The following GNG7 variants were observed in gnomAD, a reference collection of about 807,000 sequenced individuals.
GNG7 encodes guanine nucleotide-binding protein G(I)/G(S)/G(O) subunit gamma-7.
Under a neutral mutation model 4.0 loss-of-function variants are expected in GNG7, and 1 was observed. That is an observed-to-expected ratio of 0.25 (90% confidence interval 0.09 to 1.18). GNG7 has a LOEUF of 1.18. Among genes scored for constraint, GNG7 ranks in the 50% most tolerant of loss-of-function variants. The pLI is 0.50. For synonymous variants in GNG7, 34 were observed against 36.9 expected, an observed-to-expected ratio of 0.92 and a Z score of 0.29; for missense variants, 86 against 91.9, an observed-to-expected ratio of 0.94 and a Z score of 0.26.
intron 3 of GNG7, among the ~76,000 whole-genome samples, chr19:2,526,605 AATAT>A (rs1978404562): frequency 7.1e-6 from 1 of 141,260 alleles, no homozygotes; most frequent in East Asian, 2.1e-4. Flanking sequence ...TTGTATTACT[AATAT>A]ATAGTTTTAG....
rs542813452 is a variant in GNG7, at chr19:2,646,239, C to T, written c.-93G>A. 7.4e-4 allele frequency: 113 copies of T among 152,138 alleles called. No individual in the cohort carries two copies. The highest frequency in any genetic ancestry group is 2.4e-3 in the African/African-American group (99 of 41,532). 9.4% of individuals were successfully genotyped at this position (152,138 alleles called of 1,614,324 possible). ...CAGCACCGACCTGTGCAGGAGGTCT[C>T]GCCGTCTGCAGCACCGAGATCCCGA... On this transcript the variant is annotated 5_prime_UTR_variant, in exon 2 of 5. Coordinates refer to ENST00000382159, the MANE Select transcript of GNG7 (RefSeq NM_052847.3).
chr19:2,576,485 C>T (rs1369921714), intron 2 of GNG7, among the ~76,000 whole-genome samples: 1 of 152,204 alleles, frequency 6.6e-6, no homozygotes, highest in Non-Finnish European at 1.5e-5. Context: ...CACCCTCACA[C>T]GTCTGGGAAA....
chr19:2,544,987 G>C (rs139542122), intron 3 of GNG7, among the ~76,000 whole-genome samples: 2 of 152,318 alleles, frequency 1.3e-5, no homozygotes, highest in South Asian at 4.1e-4. Context: ...GTGTGAACCA[G>C]GGGGACCCCC....
chr19:2,691,945 T>C lies in GNG7; in HGVS notation c.-135+10701A>G, dbSNP rs1399979438. 4.6e-5 allele frequency among the ~76,000 whole-genome samples: 7 copies of C among 150,840 alleles called. No homozygotes were observed. In the East Asian group the frequency reaches 5.8e-4, roughly 13 times the overall value. The stretch of plus-strand genomic sequence containing the variant: ...CCTTTTGTGATGACAGAGGCAGAAA[T>C]TGGATCAATGAGGCCATAAGCCAAG... On this transcript the variant is annotated intron_variant, in intron 1 of 4. Transcript: ENST00000382159.
intron 2 of GNG7, among the ~76,000 whole-genome samples, chr19:2,602,901 C>CTTTCTTTCTTTCTTTTCT (rs55978644): frequency 1.3e-5 from 2 of 148,844 alleles, no homozygotes; most frequent in Non-Finnish European, 3.0e-5. Flanking sequence ...TTCTCTTTTT[C>CTTTCTTTCTTTCTTTTCT]TTTCTTTCTT....
intron 1 of GNG7, among the ~76,000 whole-genome samples, chr19:2,696,075 G>A (rs1295920772): frequency 6.6e-6 from 1 of 151,038 alleles, no homozygotes. Flanking sequence ...GAGAATCACT[G>A]GAACCTGGGA....
At chr19:2,645,403 T>G (rs1181976896) in intron 2 of GNG7, among the ~76,000 whole-genome samples, 1 of 151,924 alleles carries the variant, frequency 6.6e-6, no homozygotes, top group Non-Finnish European at 1.5e-5. Flanking sequence ...CACGCCTGGC[T>G]GATTTTCCTA....
Position 2,637,713 on chromosome 19 carries a change from TG to T in GNG7, c.-78+8510del, listed in dbSNP as rs1193368532. On this transcript the variant is annotated intron_variant, in intron 2 of 4. Transcript: ENST00000382159. ...TGGACATCAGAGCCTGATGATTCTCTGGGGTGGGGCCGTCCTGGGCACCATA... is the reference window on the plus strand; with the variant it reads ...TGGACATCAGAGCCTGATGATTCTCTGGGTGGGGCCGTCCTGGGCACCATA... 3.3e-5 allele frequency among the ~76,000 whole-genome samples: 5 copies of T among 152,360 alleles called. No individual in the cohort carries two copies. In the East Asian group the frequency reaches 7.7e-4, roughly 23 times the overall value.
At chr19:2,607,605 A>G (rs1981431402) in intron 2 of GNG7, among the ~76,000 whole-genome samples, 1 of 151,794 alleles carries the variant, frequency 6.6e-6, no homozygotes, top group Admixed American at 6.6e-5. Context: ...AAAAAGAAAA[A>G]GAAATACATA....
chr19:2,545,156 C>A (rs554694739), intron 3 of GNG7, among the ~76,000 whole-genome samples: 1 of 151,386 alleles, frequency 6.6e-6, no homozygotes, highest in Admixed American at 6.6e-5. Context: ...AGAGGTAATT[C>A]CGTCCCCCAG....
intron 2 of GNG7, among the ~76,000 whole-genome samples, chr19:2,580,658 T>C (rs1474379783): frequency 6.6e-6 from 1 of 152,022 alleles, no homozygotes; most frequent in East Asian, 1.9e-4. Context: ...TGGAGTGCAG[T>C]GGTGCAATCA....
In GNG7 at chr19:2,512,196, C is replaced by T. The variant is rs1397247148; in HGVS notation, c.*2826G>A. The stretch of plus-strand genomic sequence containing the variant: ...CTGCCACCCCCGCCCGCCAGCTCCC[C>T]GTCTGGAGGTGCACGCGCGCTCCTG... On this transcript the variant is annotated 3_prime_UTR_variant, in exon 5 of 5. Transcript: ENST00000382159. The surrounding 1 kb of genome is among the most constrained non-coding windows in gnomAD (Gnocchi z 4.7). 23 of 985,790 alleles carry T rather than the reference C, an allele frequency of 2.3e-5. No homozygotes were observed. The highest frequency in any genetic ancestry group is 1.1e-4 in the East Asian group (1 of 8,828). The allele number at this position is 985,790 out of a possible 1,614,324, so 61.1% of individuals were successfully genotyped here.
At chr19:2,578,036 CGTT>C (rs1401379263) in intron 2 of GNG7, among the ~76,000 whole-genome samples, 1 of 151,754 alleles carries the variant, frequency 6.6e-6, no homozygotes, top group Non-Finnish European at 1.5e-5. Flanking sequence ...ACGGAGGTCT[CGTT>C]GTTGCCCAGG....
intron 3 of GNG7, among the ~76,000 whole-genome samples, chr19:2,528,073 G>A (rs1978466913): frequency 6.6e-6 from 1 of 151,662 alleles, no homozygotes; most frequent in Non-Finnish European, 1.5e-5. Context: ...TTCAAGACCA[G>A]CCTGGCCAAC....
chr19:2,618,545 C>T lies in GNG7; in HGVS notation c.-78+27679G>A, dbSNP rs897929404. Among the ~76,000 whole-genome samples, 8 of 151,634 alleles carry T rather than the reference C, an allele frequency of 5.3e-5. No homozygotes were observed. The highest frequency in any genetic ancestry group is 2.0e-4 in the Admixed American group (3 of 15,220). ...TGTATTTTCAGTGGAGACGGGGTTT[C>T]GCCATGTTGTCCAGGCTGGTCTCGA... On this transcript the variant is annotated intron_variant, in intron 2 of 4. Coordinates refer to ENST00000382159, the MANE Select transcript of GNG7 (RefSeq NM_052847.3). The surrounding 1 kb of genome is among the most constrained non-coding windows in gnomAD (Gnocchi z 5.1).
chr19:2,614,383 T>C lies in GNG7; in HGVS notation c.-78+31841A>G, dbSNP rs1052915248. Among the ~76,000 whole-genome samples the C allele has an allele frequency of 6.6e-6, 1 of 152,298 alleles. No individual in the cohort carries two copies. The highest frequency in any genetic ancestry group is 1.9e-4 in the East Asian group (1 of 5,178). On this transcript the variant is annotated intron_variant, in intron 2 of 4. Coordinates refer to ENST00000382159, the MANE Select transcript of GNG7 (RefSeq NM_052847.3). The surrounding 1 kb of genome is among the most constrained non-coding windows in gnomAD (Gnocchi z 6.0). ...GTGGCATTCGTGCAGCCATCATCTC[T>C]AGCTAGCTCTAGAACATTCTCAGCC...
Position 2,618,342 on chromosome 19 carries a change from GGTGTGT to G in GNG7, c.-78+27876_-78+27881del, listed in dbSNP as rs35982775. On this transcript the variant is annotated intron_variant, in intron 2 of 4. Coordinates refer to ENST00000382159, the MANE Select transcript of GNG7 (RefSeq NM_052847.3). The surrounding 1 kb of genome is among the most constrained non-coding windows in gnomAD (Gnocchi z 5.1). ...TTCTCTTTTCTACCTGTATGTGTGT[GGTGTGT>G]GTGTGTGTGTGTGTGTGTGTGTGTG... Among the ~76,000 whole-genome samples the G allele has an allele frequency of 3.2e-3, 462 of 146,496 alleles. 4 individuals carry two copies. Among genetic ancestry groups the G allele is most frequent in the African/African-American group, 0.011 (425 of 39,958 alleles).
chr19:2,584,485 T>C (rs1980586865), intron 2 of GNG7, among the ~76,000 whole-genome samples: 2 of 150,360 alleles, frequency 1.3e-5, no homozygotes, highest in Non-Finnish European at 3.0e-5. Flanking sequence ...GTGTCCCAGC[T>C]ACTTGGGAGG....
intron 2 of GNG7, chr19:2,595,132 A>AT (rs372739352): frequency 1.9e-4 from 17 of 87,806 alleles, no homozygotes; most frequent in East Asian, 3.2e-4. Flanking sequence ...AAGAAATTAA[A>AT]TTTTTTTTTT....
Sources: gnomAD v4.1 joint callset for allele counts (sites outside exome capture counted in the v4.1 genomes callset) on GRCh38, gnomAD v4.1.1 for gene constraint, Gnocchi (gnomAD v3.1) non-coding constraint, MANE v1.5 for transcripts, NCBI Gene and HGNC (gene_info 2026-07-23, HGNC 2026-07-21) for gene names.